TMEM65: variants seen among roughly 807,000 people sequenced by gnomAD.
TMEM65 encodes transmembrane protein 65.
A neutral mutation model predicts 25.4 loss-of-function variants in TMEM65; 22 were observed. The ratio of observed to expected loss-of-function variants is 0.86; its 90% confidence interval spans 0.62 to 1.23. The LOEUF (loss-of-function observed/expected upper bound fraction) is 1.23. Among genes scored for constraint, TMEM65 ranks in the 50% most tolerant of loss-of-function variants. The pLI is 0.00. For synonymous variants in TMEM65, 132 were observed against 126.2 expected, an observed-to-expected ratio of 1.05 and a Z score of -0.31; for missense variants, 262 against 308.2, an observed-to-expected ratio of 0.85 and a Z score of 1.12.
intron 1 of TMEM65, among the ~76,000 whole-genome samples, chr8:124,368,572 G>A (rs1327708000): frequency 6.6e-6 from 1 of 152,144 alleles, no homozygotes; most frequent in African/African-American, 2.4e-5. Context: ...AAACACACTC[G>A]CTCTCTCTTG....
chr8:124,353,893 CTTATAAA>C (rs1486313996), intron 1 of TMEM65, among the ~76,000 whole-genome samples: 1 of 152,190 alleles, frequency 6.6e-6, no homozygotes, highest in Admixed American at 6.5e-5. Flanking sequence ...TCACAAAAGA[CTTATAAA>C]TTATAAAAAG....
At position 124,310,762 on chromosome 8, in the gene TMEM65, C is replaced by A. The variant is rs1462867799; in HGVS notation, c.*3198G>T. On this transcript the variant is annotated 3_prime_UTR_variant, in exon 7 of 7. Coordinates refer to ENST00000297632, the MANE Select transcript of TMEM65 (RefSeq NM_194291.3). ...CCCAAATAATTTATGGTAAGATAGGCTAACCAGTTTCTAAGTCCAGACAAC... is the reference window on the plus strand; with the variant it reads ...CCCAAATAATTTATGGTAAGATAGGATAACCAGTTTCTAAGTCCAGACAAC... 6.6e-6 allele frequency: 1 copy of A among 151,788 alleles called. No individual in the cohort carries two copies. Among genetic ancestry groups the A allele is most frequent in the African/African-American group, 2.4e-5 (1 of 41,318 alleles). The allele number at this position is 151,788 out of a possible 1,614,324, so 9.4% of individuals were successfully genotyped here. A position where few individuals can be genotyped will look rare whatever the true frequency, so the allele number is the denominator to read the frequency against.
chr8:124,357,468 T>C (rs1814797144), intron 1 of TMEM65, among the ~76,000 whole-genome samples: 1 of 152,174 alleles, frequency 6.6e-6, no homozygotes, highest in African/African-American at 2.4e-5. Flanking sequence ...AACTAAAGGT[T>C]AGAGATTTAT....
chr8:124,351,182 TTAAAA>T, intron 1 of TMEM65: 1 of 873,438 alleles, frequency 1.1e-6, no homozygotes, highest in Non-Finnish European at 1.4e-6. Flanking sequence ...TATATAAACT[TTAAAA>T]TATATATAAA....
At chr8:124,333,003 C>T (rs555478459) in intron 1 of TMEM65, among the ~76,000 whole-genome samples, 1 of 152,034 alleles carries the variant, frequency 6.6e-6, no homozygotes, top group African/African-American at 2.4e-5. Context: ...TGAGGTTTCA[C>T]CATGTTGGCC....
At chr8:124,341,690 A>C (rs1814584944) in intron 1 of TMEM65, among the ~76,000 whole-genome samples, 2 of 151,998 alleles carry the variant, frequency 1.3e-5, no homozygotes, top group Non-Finnish European at 2.9e-5. Context: ...TTTACCTTTG[A>C]AGTCTAGTCT....
In TMEM65 at chr8:124,348,702, C is replaced by T. The variant is rs142402382; in HGVS notation, c.305-17910G>A. Among the ~76,000 whole-genome samples the T allele has an allele frequency of 7.1e-4, 108 of 152,176 alleles. 2 individuals are homozygous for T. The South Asian group carries it at 0.013, about 18-fold the overall frequency. Reference sequence around the variant, plus strand: ...TATTCATTTTAAAATAAAATTGTTTCGTATCCAGGAAGCAGCAGAGGTTTT... The same window carrying T: ...TATTCATTTTAAAATAAAATTGTTTTGTATCCAGGAAGCAGCAGAGGTTTT... On this transcript the variant is annotated intron_variant, in intron 1 of 6. Transcript: ENST00000297632.
Position 124,306,521 on chromosome 8 carries a change from A to C in TMEM65, c.*7439T>G, listed in dbSNP as rs1203204945. On this transcript the variant is annotated 3_prime_UTR_variant, in exon 7 of 7. Transcript: ENST00000297632. ...TTTGGAAATTTGCAACAATTTAAAA[A>C]ACTTGCAGATGCACCATGTAGCTTA... 6.6e-6 allele frequency: 1 copy of C among 152,384 alleles called. No homozygotes were observed. The highest frequency in any genetic ancestry group is 2.4e-5 in the African/African-American group (1 of 41,454). 9.4% of individuals were successfully genotyped at this position (152,384 alleles called of 1,614,324 possible).
chr8:124,333,188 T>C (rs1209913597), intron 1 of TMEM65, among the ~76,000 whole-genome samples: 2 of 151,442 alleles, frequency 1.3e-5, no homozygotes, highest in Non-Finnish European at 2.9e-5. Flanking sequence ...AAAAAAAAAT[T>C]ACCTATAAAA....
At chr8:124,353,393 G>A (rs1300120248) in intron 1 of TMEM65, among the ~76,000 whole-genome samples, 1 of 152,070 alleles carries the variant, frequency 6.6e-6, no homozygotes, top group Non-Finnish European at 1.5e-5. Flanking sequence ...AACATGCCCT[G>A]TGTTATTAGC....
intron 1 of TMEM65, among the ~76,000 whole-genome samples, chr8:124,336,538 T>A (rs556881663): frequency 2.0e-5 from 3 of 151,936 alleles, no homozygotes; most frequent in Admixed American, 6.6e-5. Flanking sequence ...ATAAGATATA[T>A]GACAAAACAA....
chr8:124,346,912 TC>T (rs940483567), intron 1 of TMEM65, among the ~76,000 whole-genome samples: 52 of 152,246 alleles, frequency 3.4e-4, no homozygotes, highest in African/African-American at 1.2e-3. Context: ...AACCAAAAGT[TC>T]AAATGAGTAA....
At chr8:124,368,061 C>T (rs1371464898) in intron 1 of TMEM65, among the ~76,000 whole-genome samples, 2 of 151,996 alleles carry the variant, frequency 1.3e-5, no homozygotes, top group African/African-American at 4.8e-5. Context: ...TCTTGTCTCT[C>T]TGTGTAAACT....
chr8:124,320,646 T>G lies in TMEM65; in HGVS notation c.516-455A>C, dbSNP rs569995986. On this transcript the variant is annotated intron_variant, in intron 5 of 6. Coordinates refer to ENST00000297632, the MANE Select transcript of TMEM65 (RefSeq NM_194291.3). ...CAAAAGTTTCCAAAATTCCTCAGAT[T>G]GGTAAACTAACAAAAACACCTTAGA... Among the ~76,000 whole-genome samples the G allele has an allele frequency of 4.6e-5, 7 of 152,280 alleles. 1 individual carries two copies. The South Asian group carries it at 1.4e-3, about 32-fold the overall frequency.
intron 1 of TMEM65, among the ~76,000 whole-genome samples, chr8:124,341,715 T>C (rs557212442): frequency 2.8e-4 from 43 of 152,148 alleles, no homozygotes; most frequent in South Asian, 2.1e-3. Flanking sequence ...ATTTTCACTT[T>C]TGTTAAATGA....
intron 1 of TMEM65, among the ~76,000 whole-genome samples, chr8:124,351,474 T>C (rs764373528): frequency 1.7e-4 from 26 of 152,178 alleles, no homozygotes; most frequent in Non-Finnish European, 3.1e-4. Context: ...AGTGTGTTGT[T>C]TCTTTGGAAA....
At chr8:124,319,105 T>C (rs1246406903) in intron 6 of TMEM65, among the ~76,000 whole-genome samples, 1 of 152,190 alleles carries the variant, frequency 6.6e-6, no homozygotes, top group African/African-American at 2.4e-5. Flanking sequence ...ATATAATACG[T>C]AAACAATAAG....
At chr8:124,327,626 A>G (rs959043602) in intron 2 of TMEM65, among the ~76,000 whole-genome samples, 2 of 151,840 alleles carry the variant, frequency 1.3e-5, no homozygotes, top group Non-Finnish European at 2.9e-5. Context: ...AAAGTATAAA[A>G]CATGTAAAAA....
intron 1 of TMEM65, among the ~76,000 whole-genome samples, chr8:124,338,624 A>G (rs554524960): frequency 2.0e-5 from 3 of 152,308 alleles, no homozygotes; most frequent in African/African-American, 7.2e-5. Flanking sequence ...ATTCCAATAC[A>G]TAGAACAAAA....
Sources: allele counts gnomAD v4.1 joint callset (sites outside exome capture counted in the v4.1 genomes callset), GRCh38; gene constraint gnomAD v4.1.1; transcripts MANE v1.5; gene names NCBI Gene and HGNC (gene_info 2026-07-23, HGNC 2026-07-21).